Variants in ZMAT4 observed in about 807,000 individuals in gnomAD.
ZMAT4 encodes zinc finger matrin-type protein 4.
A neutral mutation model predicts 28.7 loss-of-function variants in ZMAT4; 17 were observed. The observed-to-expected ratio is 0.59, with a 90% CI of 0.41 to 0.89. ZMAT4 has a LOEUF of 0.89. Ranked by LOEUF, ZMAT4 falls within the 40% of genes least tolerant of loss-of-function variation. The pLI is 0.00. For missense variants in ZMAT4, 240 were observed against 283.8 expected (o/e 0.85, Z 1.11); for synonymous variants, 117 against 109.2 (o/e 1.07, Z -0.44).
At chr8:40,711,839 A>T (rs1810637300) in intron 3 of ZMAT4, among the ~76,000 whole-genome samples, 1 of 152,172 alleles carries the variant, frequency 6.6e-6, no homozygotes, top group South Asian at 2.1e-4. Flanking sequence ...GACAATGGGA[A>T]AAGCTTCTGG....
intron 3 of ZMAT4, among the ~76,000 whole-genome samples, chr8:40,709,094 G>A (rs1810491811): frequency 1.3e-5 from 2 of 152,142 alleles, no homozygotes; most frequent in African/African-American, 4.8e-5. Flanking sequence ...GTCCTTGAAA[G>A]AAAATGTCAG....
chr8:40,767,587 T>A, intron 3 of ZMAT4, 54 bp downstream of exon 3: 1 of 1,495,968 alleles, frequency 6.7e-7, no homozygotes, highest in Non-Finnish European at 9.1e-7. Context: ...CCTGCAAAGT[T>A]CTCAGTACAC....
Position 40,651,481 on chromosome 8 carries a change from T to C in ZMAT4, c.577+23223A>G, listed in dbSNP as rs1446637069. ...TGCTCATGGGTAGGAAAAATCAATA[T>C]CGTGAAAATGGCCATACTGCCCAAG... On this transcript the variant is annotated intron_variant, in intron 5 of 6. Transcript: ENST00000297737. Among the ~76,000 whole-genome samples, 223 of 150,332 alleles carry C rather than the reference T, an allele frequency of 1.5e-3. 1 individual carries two copies. Among genetic ancestry groups the C allele is most frequent in the African/African-American group, 5.4e-3 (219 of 40,784 alleles).
rs201457823 is a variant in ZMAT4 at position 40,682,130 on chromosome 8, C to T, written c.350-7199G>A. ...TGAGTTGTGGAATATGGGTGATCTG[C>T]TTTGTACTCATGGATATATACTCCC... On this transcript the variant is annotated intron_variant, in intron 4 of 6. Coordinates refer to ENST00000297737, the MANE Select transcript of ZMAT4 (RefSeq NM_024645.3). 3.5e-4 allele frequency among the ~76,000 whole-genome samples: 53 copies of T among 152,154 alleles called. No individual in the cohort carries two copies. The East Asian group carries it at 9.3e-3, about 27-fold the overall frequency.
intron 2 of ZMAT4, among the ~76,000 whole-genome samples, chr8:40,773,381 A>T (rs1239582824): frequency 6.6e-6 from 1 of 152,222 alleles, no homozygotes; most frequent in Non-Finnish European, 1.5e-5. Context: ...TCCTAGTGCT[A>T]AAATCAAATC....
chr8:40,857,816 T>G (rs1817350743), intron 1 of ZMAT4, among the ~76,000 whole-genome samples: 1 of 152,148 alleles, frequency 6.6e-6, no homozygotes, highest in African/African-American at 2.4e-5. Flanking sequence ...ATGTATACAC[T>G]GGAACAATTA....
chr8:40,665,814 A>G (rs1808388900), intron 5 of ZMAT4, among the ~76,000 whole-genome samples: 1 of 152,182 alleles, frequency 6.6e-6, no homozygotes, highest in African/African-American at 2.4e-5. Flanking sequence ...TTAGAAGGGG[A>G]CAGTCACTTC....
At position 40,601,469 on chromosome 8, in the gene ZMAT4, G is replaced by GAAA. The variant is rs1563359969; in HGVS notation, c.578-20211_578-20209dup. Among the ~76,000 whole-genome samples the GAAA allele has an allele frequency of 7.1e-3, 49 of 6,948 alleles. 5 individuals are homozygous for GAAA. Among genetic ancestry groups the GAAA allele is most frequent in the African/African-American group, 0.015 (41 of 2,662 alleles). The allele number at this position is 6,948 out of a possible 152,430, so 4.6% of individuals were successfully genotyped here. On this transcript the variant is annotated intron_variant, in intron 5 of 6. Transcript: ENST00000297737. The stretch of plus-strand genomic sequence containing the variant: ...GGAAGGAAGGAAGGGAGGAAGAAAG[G>GAAA]AAAGAAAGAAAGAAAGAAAGAAAGA...
intron 5 of ZMAT4, among the ~76,000 whole-genome samples, chr8:40,646,085 G>T (rs937266357): frequency 1.3e-5 from 2 of 151,728 alleles, no homozygotes; most frequent in Non-Finnish European, 1.5e-5. Context: ...TTAATATATA[G>T]AAATCAGTGA....
chr8:40,565,571 T>G (rs1803894314), intron 6 of ZMAT4, among the ~76,000 whole-genome samples: 1 of 151,702 alleles, frequency 6.6e-6, no homozygotes, highest in African/African-American at 2.4e-5. Flanking sequence ...ACAGATGGGA[T>G]TTCACCATGT....
At chr8:40,770,570 CAG>C (rs1367566925) in intron 2 of ZMAT4, among the ~76,000 whole-genome samples, 2 of 90,424 alleles carry the variant, frequency 2.2e-5, no homozygotes, top group African/African-American at 3.8e-5. Context: ...TTTTTTGTGA[CAG>C]AGTCTCGTTC....
chr8:40,811,899 G>GT (rs1198236553), intron 2 of ZMAT4, among the ~76,000 whole-genome samples: 1 of 152,182 alleles, frequency 6.6e-6, no homozygotes, highest in East Asian at 1.9e-4. Flanking sequence ...GGGAGGCTGA[G>GT]CTGGGCAGAT....
chr8:40,718,681 C>G (rs568051638), intron 3 of ZMAT4, among the ~76,000 whole-genome samples: 7 of 152,164 alleles, frequency 4.6e-5, no homozygotes, highest in African/African-American at 1.7e-4. Flanking sequence ...CAGTTCGTCT[C>G]CATGACAGTG....
intron 3 of ZMAT4, among the ~76,000 whole-genome samples, chr8:40,722,404 T>C (rs1299000088): frequency 6.6e-6 from 1 of 152,152 alleles, no homozygotes; most frequent in Non-Finnish European, 1.5e-5. Flanking sequence ...AGCATCTTAG[T>C]AGGGAGGGAA....
chr8:40,774,582 T>C (rs993200396), intron 2 of ZMAT4, among the ~76,000 whole-genome samples: 2 of 151,858 alleles, frequency 1.3e-5, no homozygotes, highest in Admixed American at 1.3e-4. Context: ...GGAAAATAAG[T>C]TAAATGCCCT....
chr8:40,684,471 C>G (rs1348802333), intron 4 of ZMAT4, among the ~76,000 whole-genome samples: 1 of 152,312 alleles, frequency 6.6e-6, no homozygotes, highest in South Asian at 2.1e-4. Flanking sequence ...CCCTGGATCA[C>G]AGGCAGTATC....
intron 6 of ZMAT4, among the ~76,000 whole-genome samples, chr8:40,532,981 C>CA (rs201472129): frequency 0.041 from 3,992 of 98,520 alleles, 146 homozygotes; most frequent in African/African-American, 0.12. Flanking sequence ...GACTCCATGT[C>CA]AAAAAAAAAA....
chr8:40,748,093 A>C (rs191830372), intron 3 of ZMAT4, among the ~76,000 whole-genome samples: 3 of 152,348 alleles, frequency 2.0e-5, no homozygotes, highest in African/African-American at 7.2e-5. Flanking sequence ...CACTCTTTTA[A>C]AGGTCAGCTG....
chr8:40,806,211 T>C (rs1815079070), intron 2 of ZMAT4, among the ~76,000 whole-genome samples: 1 of 152,222 alleles, frequency 6.6e-6, no homozygotes, highest in Non-Finnish European at 1.5e-5. Flanking sequence ...TGTGGGCAGT[T>C]CGATCCACAG....
Sources: allele counts gnomAD v4.1 joint callset (sites outside exome capture counted in the v4.1 genomes callset), GRCh38; gene constraint gnomAD v4.1.1; transcripts MANE v1.5; gene names NCBI Gene and HGNC (gene_info 2026-07-23, HGNC 2026-07-21).